TTC17: variants seen among roughly 807,000 people sequenced by gnomAD.
TTC17 encodes the protein tetratricopeptide repeat protein 17.
In TTC17, 58 loss-of-function variants were observed where a neutral mutation model predicts 143.8. The ratio of observed to expected loss-of-function variants is 0.40; its 90% CI spans 0.33 to 0.50. The LOEUF (loss-of-function observed/expected upper bound fraction) is 0.50. TTC17 is among the 20% of genes least tolerant of loss of function. TTC17 has a pLI of 0.49. For synonymous variants in TTC17, 501 were observed against 497.8 expected (o/e 1.01, Z -0.09); for missense variants, 1,273 against 1,392.5 (o/e 0.91, Z 1.37).
chr11:43,404,489 C>G (rs1858020382), intron 11 of TTC17, among the ~76,000 whole-genome samples: 1 of 152,126 alleles, frequency 6.6e-6, no homozygotes, highest in South Asian at 2.1e-4. Flanking sequence ...TTATTGAACT[C>G]CCACCTGTGT....
intron 21 of TTC17, among the ~76,000 whole-genome samples, chr11:43,454,908 G>A (rs1590450322): frequency 6.6e-6 from 1 of 151,838 alleles, no homozygotes; most frequent in African/African-American, 2.4e-5. Flanking sequence ...GACCTAAATA[G>A]CATAATCAGT....
At chr11:43,407,671 A>AT (rs2134596069) in intron 15 of TTC17, 94 bp downstream of exon 15, 1 of 1,231,480 alleles carries the variant, frequency 8.1e-7, no homozygotes, top group East Asian at 2.5e-5. Context: ...AGCATAAAAA[A>AT]TGTCATGTTT....
chr11:43,493,987 A>G lies in TTC17; in HGVS notation c.*83A>G, dbSNP rs1480924346. ...AAGAAACCAATCATTGTCAGTATCT[A>G]CTATTAATGATGTGTGTGAAAATAA... On this transcript the variant is annotated 3_prime_UTR_variant, in exon 24 of 24. Transcript: ENST00000039989. The G allele has an allele frequency of 2.0e-6, 3 of 1,467,034 alleles. No homozygotes were observed. Among genetic ancestry groups the G allele is most frequent in the Non-Finnish European group, 2.7e-6 (3 of 1,098,218 alleles). The allele number at this position is 1,467,034 out of a possible 1,614,324, so 90.9% of individuals were successfully genotyped here.
rs768982430 is a variant in TTC17, at chr11:43,389,673, A to G, written c.271A>G (p.Ile91Val). The change falls in exon 3 of 24, where the codon ATT (isoleucine) becomes GTT (valine). Residue 91 changes from isoleucine to valine, a missense_variant. Coordinates refer to ENST00000039989, the MANE Select transcript of TTC17 (RefSeq NM_018259.6). ...ACAGAAACAATTAGTTGCTCAAAAA[A>G]TTCACATAGAAGAGAATGAGGACAG... ...ELEKQLVAQK[I>V]HIEENEDRDT... 1 of 1,607,280 alleles carries G rather than the reference A, an allele frequency of 6.2e-7. No homozygotes were observed. Among genetic ancestry groups the G allele is most frequent in the South Asian group, 1.1e-5 (1 of 89,050 alleles).
chr11:43,444,162 C>A lies in TTC17; in HGVS notation c.2618C>A (p.Ala873Glu). The A allele has an allele frequency of 3.1e-6, 5 of 1,613,290 alleles. No individual in the cohort carries two copies. Among genetic ancestry groups the A allele is most frequent in the Non-Finnish European group, 2.5e-6 (3 of 1,179,646 alleles). The change falls in exon 18 of 24, where the codon GCA (alanine) becomes GAA (glutamate). Residue 873 changes from alanine to glutamate, a missense_variant. Physicochemically the swap from Ala to Glu is moderately radical, Grantham distance 107. This residue lies in a region of TTC17 where 878 missense variants were observed against 899.8 expected (regional missense o/e 0.98). Coordinates refer to ENST00000039989, the MANE Select transcript of TTC17 (RefSeq NM_018259.6). ...GQIENGHRYQ[A>E]NLEITGPKVA... The stretch of plus-strand genomic sequence containing the variant: ...ATAGAAAATGGACATCGTTACCAAG[C>A]AAACCTAGAGATCACTGGCCCCAAG...
intron 1 of TTC17, among the ~76,000 whole-genome samples, chr11:43,377,851 A>C (rs17174000): frequency 0.033 from 4,988 of 152,162 alleles, 103 homozygotes; most frequent in Middle Eastern, 0.054. Context: ...GCAATTCTTC[A>C]AATATCAGGT....
At chr11:43,470,716 G>A (rs1207854713) in intron 21 of TTC17, among the ~76,000 whole-genome samples, 2 of 152,160 alleles carry the variant, frequency 1.3e-5, no homozygotes, top group Non-Finnish European at 2.9e-5. Context: ...TTACCTGGAG[G>A]CCTTGTTAAA....
intron 11 of TTC17, 32 bp downstream of exon 11, chr11:43,404,176 C>T (rs1858006609): frequency 2.5e-6 from 4 of 1,584,746 alleles, no homozygotes; most frequent in Non-Finnish European, 3.4e-6. Context: ...AAGCAGTTTT[C>T]TCAAACTGGC....
At chr11:43,419,174 G>A (rs1354395013) in intron 16 of TTC17, among the ~76,000 whole-genome samples, 1 of 152,172 alleles carries the variant, frequency 6.6e-6, no homozygotes, top group Non-Finnish European at 1.5e-5. Context: ...CAGATCCTTA[G>A]AAAGAATGAA....
intron 23 of TTC17, among the ~76,000 whole-genome samples, chr11:43,493,316 C>T (rs191106355): frequency 3.9e-5 from 6 of 152,238 alleles, no homozygotes; most frequent in Admixed American, 1.3e-4. Flanking sequence ...ACTTAGTTTC[C>T]GTCTTTCCAG....
chr11:43,392,570 A>G (rs919424270), intron 5 of TTC17, among the ~76,000 whole-genome samples: 1 of 152,218 alleles, frequency 6.6e-6, no homozygotes, highest in Admixed American at 6.5e-5. Context: ...ACCTTTGTAT[A>G]CAGTTTTTTC....
chr11:43,446,340 T>C, intron 18 of TTC17: 1 of 306,908 alleles, frequency 3.3e-6, no homozygotes. Flanking sequence ...GCAATTGTTC[T>C]ATATCTTCGC....
intron 23 of TTC17, among the ~76,000 whole-genome samples, chr11:43,492,630 T>C (rs373558472): frequency 1.0e-3 from 158 of 152,340 alleles, no homozygotes; most frequent in African/African-American, 3.3e-3. Flanking sequence ...TACGGGCTCA[T>C]TGGGGACAAG....
intron 16 of TTC17, among the ~76,000 whole-genome samples, chr11:43,428,326 A>G (rs1212932903): frequency 1.3e-5 from 2 of 152,176 alleles, no homozygotes; most frequent in Admixed American, 6.5e-5. Flanking sequence ...TAGCTATGTC[A>G]GTTAATTTTC....
chr11:43,396,943 A>C, intron 6 of TTC17, 125 bp downstream of exon 6: 1 of 497,588 alleles, frequency 2.0e-6, no homozygotes, highest in Non-Finnish European at 3.4e-6. Flanking sequence ...TGTTCAAAGA[A>C]ATAAGTCCCA....
chr11:43,476,709 C>T (rs1355015207), intron 21 of TTC17, among the ~76,000 whole-genome samples: 1 of 152,192 alleles, frequency 6.6e-6, no homozygotes, highest in Admixed American at 6.5e-5. Flanking sequence ...GCACGCAGCA[C>T]GGGGACCCTG....
chr11:43,387,043 C>T (rs1857195507), intron 2 of TTC17, among the ~76,000 whole-genome samples: 1 of 152,076 alleles, frequency 6.6e-6, no homozygotes, highest in South Asian at 2.1e-4. Context: ...CTTGGACTCC[C>T]AAAATGCTAA....
chr11:43,360,951 A>G (rs1856080299), intron 1 of TTC17, among the ~76,000 whole-genome samples: 2 of 152,180 alleles, frequency 1.3e-5, no homozygotes. Context: ...ATACTTTGCT[A>G]TACATAACAT....
intron 6 of TTC17, 112 bp from the exon 7 acceptor site, chr11:43,397,235 A>G: frequency 8.3e-7 from 1 of 1,207,124 alleles, no homozygotes. Context: ...CACTATGATT[A>G]TCTTATTTTC....
Sources: allele counts gnomAD v4.1 joint callset (sites outside exome capture counted in the v4.1 genomes callset), GRCh38; gene constraint gnomAD v4.1.1; regional missense constraint gnomAD v4.1.1; transcripts MANE v1.5; gene names NCBI Gene and HGNC (gene_info 2026-07-23, HGNC 2026-07-21).